Variants in DSCAM observed in about 807,000 individuals in gnomAD.
DSCAM encodes DS cell adhesion molecule, also known as cell adhesion molecule DSCAM.
Under a neutral mutation model 217.7 loss-of-function variants are expected in DSCAM, and 47 were observed. That is an observed-to-expected ratio of 0.22 (90% CI 0.17 to 0.28). The LOEUF (loss-of-function observed/expected upper bound fraction) is 0.28. Ranked by LOEUF, DSCAM falls within the 10% of genes least tolerant of loss-of-function variation. DSCAM has a pLI of 1.00. For missense variants in DSCAM, 2,080 were observed against 2,618.3 expected, an observed-to-expected ratio of 0.79 and a Z score of 4.49; for synonymous variants, 1,056 against 1,015.3, an observed-to-expected ratio of 1.04 and a Z score of -0.76.
chr21:40,406,516 C>T (rs2075280922), intron 3 of DSCAM, among the ~76,000 whole-genome samples: 2 of 152,196 alleles, frequency 1.3e-5, no homozygotes, highest in African/African-American at 2.4e-5. Context: ...ACCTGAAGGA[C>T]ATTACGCTAA....
At chr21:40,635,479 AGGCAGGCAGTCT>A (rs2089745431) in intron 3 of DSCAM, among the ~76,000 whole-genome samples, 1 of 152,150 alleles carries the variant, frequency 6.6e-6, no homozygotes, top group Non-Finnish European at 1.5e-5. Flanking sequence ...AGAGAGAGGG[AGGCAGGCAGTCT>A]GGCCAGCCAG....
intron 11 of DSCAM, among the ~76,000 whole-genome samples, chr21:40,219,008 G>C (rs1307605746): frequency 6.6e-6 from 1 of 152,092 alleles, no homozygotes; most frequent in African/African-American, 2.4e-5. Context: ...ACTTTCAATA[G>C]TATGTTGAAC....
chr21:40,742,913 T>C (rs1266810684), intron 1 of DSCAM, among the ~76,000 whole-genome samples: 1 of 152,196 alleles, frequency 6.6e-6, no homozygotes, highest in African/African-American at 2.4e-5. Flanking sequence ...GGAAATACAA[T>C]TATCAAAAAA....
At chr21:40,607,210 C>A (rs889644175) in intron 3 of DSCAM, among the ~76,000 whole-genome samples, 1 of 127,804 alleles carries the variant, frequency 7.8e-6, no homozygotes, top group African/African-American at 3.0e-5. Context: ...TCAAAAAGCA[C>A]AATTATGTTT....
At chr21:40,815,983 C>A (rs1040580867) in intron 1 of DSCAM, among the ~76,000 whole-genome samples, 2 of 152,194 alleles carry the variant, frequency 1.3e-5, no homozygotes, top group African/African-American at 4.8e-5. Context: ...ACAGATGAGG[C>A]AATGTGGCTG....
intron 16 of DSCAM, among the ~76,000 whole-genome samples, chr21:40,158,377 G>T (rs1220136733): frequency 6.6e-6 from 1 of 152,088 alleles, no homozygotes; most frequent in Admixed American, 6.5e-5. Context: ...CTGGGTGGTA[G>T]AGTGAGACCC....
At chr21:40,444,842 G>A (rs985663395) in intron 3 of DSCAM, among the ~76,000 whole-genome samples, 1 of 152,114 alleles carries the variant, frequency 6.6e-6, no homozygotes, top group African/African-American at 2.4e-5. Flanking sequence ...CCTGGATGAT[G>A]CTGTCTACCT....
rs149371448 is a variant in DSCAM at position 40,617,604 on chromosome 21, T to C, written c.508+75206A>G. Among the ~76,000 whole-genome samples the C allele has an allele frequency of 1.0e-3, 152 of 152,338 alleles. 3 individuals carry two copies. The highest frequency in any genetic ancestry group is 8.4e-4 in the African/African-American group (35 of 41,580). On this transcript the variant is annotated intron_variant, in intron 3 of 32. Transcript: ENST00000400454. ...GCTGTAGACATTTGGAGTCAGACAA[T>C]TGTTTTTCGTGGGAACATTCTATGC...
At chr21:40,684,360 G>A (rs779051475) in intron 3 of DSCAM, among the ~76,000 whole-genome samples, 38 of 152,314 alleles carry the variant, frequency 2.5e-4, no homozygotes, top group Middle Eastern at 3.4e-3. Flanking sequence ...CAGGTGACGC[G>A]GTTGCTGAGG....
intron 20 of DSCAM, among the ~76,000 whole-genome samples, chr21:40,109,562 C>T (rs1007359832): frequency 2.6e-5 from 4 of 152,176 alleles, no homozygotes; most frequent in Admixed American, 2.6e-4. Context: ...GAGTGTCGGA[C>T]AGTGGACGCA....
chr21:40,454,245 CAATG>C (rs1265980845), intron 3 of DSCAM, among the ~76,000 whole-genome samples: 1 of 152,146 alleles, frequency 6.6e-6, no homozygotes, highest in African/African-American at 2.4e-5. Context: ...TATAATGAAA[CAATG>C]AAGGTGTCAG....
At chr21:40,619,851 A>G (rs2089456533) in intron 3 of DSCAM, among the ~76,000 whole-genome samples, 1 of 151,862 alleles carries the variant, frequency 6.6e-6, no homozygotes, top group Non-Finnish European at 1.5e-5. Context: ...AAGAAAAAAA[A>G]AAAAGCTCAA....
At chr21:40,018,909 T>C (rs1223968219) in intron 32 of DSCAM, among the ~76,000 whole-genome samples, 3 of 152,258 alleles carry the variant, frequency 2.0e-5, no homozygotes, top group South Asian at 2.1e-4. Flanking sequence ...CAGGCAAAGC[T>C]CTACAAAGTT....
chr21:40,732,949 A>C lies in DSCAM; in HGVS notation c.44-24178T>G, dbSNP rs184286408. Among the ~76,000 whole-genome samples the C allele has an allele frequency of 8.5e-5, 13 of 152,312 alleles. No homozygotes were observed. In the East Asian group the frequency reaches 2.5e-3, roughly 29 times the overall value. On this transcript the variant is annotated intron_variant, in intron 1 of 32. Coordinates refer to ENST00000400454, the MANE Select transcript of DSCAM (RefSeq NM_001389.5). ...GATTGGCAGGTCAGACGATGCATAA[A>C]GTGATTTGAGGCAATTACAGCGACA...
At chr21:40,612,879 G>T (rs943563156) in intron 3 of DSCAM, among the ~76,000 whole-genome samples, 1 of 152,120 alleles carries the variant, frequency 6.6e-6, no homozygotes, top group Non-Finnish European at 1.5e-5. Context: ...AGGGGAGATT[G>T]TTGTTTTCTC....
At chr21:40,518,584 A>G (rs2076333048) in intron 3 of DSCAM, among the ~76,000 whole-genome samples, 1 of 90,208 alleles carries the variant, frequency 1.1e-5, no homozygotes, top group Non-Finnish European at 1.9e-5. Context: ...ATACACACAC[A>G]TATACACACA....
chr21:40,494,871 G>GA (rs1237738727), intron 3 of DSCAM, among the ~76,000 whole-genome samples: 1 of 143,312 alleles, frequency 7.0e-6, no homozygotes, highest in African/African-American at 2.6e-5. Flanking sequence ...GCTAGACTAA[G>GA]AAAAAAAGAA....
At chr21:40,522,243 A>C (rs2076365105) in intron 3 of DSCAM, among the ~76,000 whole-genome samples, 1 of 152,212 alleles carries the variant, frequency 6.6e-6, no homozygotes, top group African/African-American at 2.4e-5. Context: ...CTCAGAGTAA[A>C]TGGTGTTGTT....
chr21:40,766,692 C>CT (rs1197034537), intron 1 of DSCAM, among the ~76,000 whole-genome samples: 38,150 of 92,442 alleles, frequency 0.41, 8,568 homozygotes, highest in East Asian at 0.45. Flanking sequence ...AAAAAAACAA[C>CT]TTTTTTTTTT....
Sources: gnomAD v4.1 joint callset for allele counts (sites outside exome capture counted in the v4.1 genomes callset) on GRCh38, gnomAD v4.1.1 for gene constraint, MANE v1.5 for transcripts, NCBI Gene and HGNC (gene_info 2026-07-23, HGNC 2026-07-21) for gene names.